CPQ: variants seen among roughly 807,000 people sequenced by gnomAD.
The protein encoded by CPQ is Ser-Met dipeptidase.
A neutral mutation model predicts 45.7 loss-of-function variants in CPQ; 37 were observed. The ratio of observed to expected loss-of-function variants is 0.81; its 90% CI spans 0.62 to 1.07. The LOEUF is 1.07. Ranked by LOEUF, CPQ falls within the 50% of genes least tolerant of loss-of-function variation. CPQ has a pLI of 0.00. For synonymous variants in CPQ, 186 were observed against 205.8 expected (o/e 0.90, Z 0.82); for missense variants, 537 against 572.9 (o/e 0.94, Z 0.64).
intron 1 of CPQ, among the ~76,000 whole-genome samples, chr8:96,677,267 T>G (rs1338707867): frequency 5.3e-5 from 8 of 152,190 alleles, no homozygotes; most frequent in African/African-American, 1.9e-4. Flanking sequence ...CCACAGTGGT[T>G]GTACCAGTTT....
chr8:96,716,579 G>A (rs1418623277), intron 1 of CPQ, among the ~76,000 whole-genome samples: 1 of 152,092 alleles, frequency 6.6e-6, no homozygotes, highest in Admixed American at 6.5e-5. Flanking sequence ...AACGTACGAT[G>A]TTTGCTTTTT....
intron 5 of CPQ, among the ~76,000 whole-genome samples, chr8:96,997,764 T>C (rs1421451884): frequency 2.0e-5 from 3 of 152,022 alleles, no homozygotes; most frequent in Non-Finnish European, 2.9e-5. Context: ...TCATCATTAC[T>C]TCATATGCAT....
At chr8:97,112,087 C>T (rs893629656) in intron 7 of CPQ, among the ~76,000 whole-genome samples, 2 of 152,022 alleles carry the variant, frequency 1.3e-5, no homozygotes, top group African/African-American at 4.8e-5. Context: ...TCCTCACCTC[C>T]CATTTCCTAT....
At chr8:96,663,301 C>G (rs1007265847) in intron 1 of CPQ, among the ~76,000 whole-genome samples, 1 of 139,354 alleles carries the variant, frequency 7.2e-6, no homozygotes, top group African/African-American at 2.7e-5. Flanking sequence ...AACAACTCCT[C>G]AAACATTTTC....
intron 4 of CPQ, among the ~76,000 whole-genome samples, chr8:96,914,051 CA>C (rs1424699105): frequency 6.6e-6 from 1 of 152,068 alleles, no homozygotes; most frequent in Non-Finnish European, 1.5e-5. Flanking sequence ...CAGATTTTGT[CA>C]TTTTTTTCAG....
intron 3 of CPQ, among the ~76,000 whole-genome samples, chr8:96,858,127 T>C (rs1483238690): frequency 6.6e-6 from 1 of 152,062 alleles, no homozygotes; most frequent in African/African-American, 2.4e-5. Flanking sequence ...GTGGAGAAGA[T>C]GTGTATATGA....
intron 4 of CPQ, among the ~76,000 whole-genome samples, chr8:96,919,735 A>G (rs112322601): frequency 9.8e-5 from 15 of 152,294 alleles, no homozygotes; most frequent in Non-Finnish European, 1.8e-4. Flanking sequence ...AGATAGAGAT[A>G]TCTTTCATAT....
intron 7 of CPQ, among the ~76,000 whole-genome samples, chr8:97,067,085 C>T (rs758726911): frequency 6.6e-6 from 1 of 151,842 alleles, no homozygotes; most frequent in Non-Finnish European, 1.5e-5. Flanking sequence ...CACCACCATG[C>T]CTGGCTAACT....
chr8:97,065,907 G>T, intron 6 of CPQ, 102 bp from the exon 7 acceptor site: 1 of 1,140,992 alleles, frequency 8.8e-7, no homozygotes. Flanking sequence ...TTTTGGCACA[G>T]CCGTAAGGAG....
intron 1 of CPQ, among the ~76,000 whole-genome samples, chr8:96,746,207 A>G (rs1810178644): frequency 6.6e-6 from 1 of 152,230 alleles, no homozygotes; most frequent in Admixed American, 6.5e-5. Flanking sequence ...AGTGCAGTGT[A>G]AGGTTCTTTA....
intron 5 of CPQ, among the ~76,000 whole-genome samples, chr8:96,977,417 G>A (rs972929362): frequency 1.1e-4 from 17 of 152,036 alleles, no homozygotes; most frequent in South Asian, 4.2e-4. Context: ...CAAGCACTGC[G>A]GAAAACAGTG....
At chr8:96,809,871 ATTTCAG>A (rs1173279875) in intron 2 of CPQ, among the ~76,000 whole-genome samples, 2 of 152,164 alleles carry the variant, frequency 1.3e-5, no homozygotes. Context: ...TAGGCTATAT[ATTTCAG>A]TTTCAGCTTC....
chr8:96,994,785 G>T (rs1332962455), intron 5 of CPQ, among the ~76,000 whole-genome samples: 1 of 151,950 alleles, frequency 6.6e-6, no homozygotes, highest in Admixed American at 6.6e-5. Context: ...ATCTCAACAT[G>T]TTCCCTGCTT....
intron 7 of CPQ, among the ~76,000 whole-genome samples, chr8:97,091,637 G>C (rs1226232577): frequency 6.6e-6 from 1 of 152,060 alleles, no homozygotes; most frequent in Non-Finnish European, 1.5e-5. Flanking sequence ...TTTTGCCATT[G>C]TCCATTTATG....
intron 3 of CPQ, among the ~76,000 whole-genome samples, chr8:96,870,215 C>T (rs1812049898): frequency 6.6e-6 from 1 of 151,858 alleles, no homozygotes; most frequent in African/African-American, 2.4e-5. Flanking sequence ...AAAGGTGCTG[C>T]ATTACTTAAA....
chr8:96,656,839 C>T (rs1239390106), intron 1 of CPQ, among the ~76,000 whole-genome samples: 3 of 152,126 alleles, frequency 2.0e-5, no homozygotes, highest in African/African-American at 4.8e-5. Flanking sequence ...AACATAGAGC[C>T]ATCACCAAAA....
rs111295875 is a variant in CPQ at position 96,820,939 on chromosome 8, G to A, written c.434-14034G>A. 1.5e-3 allele frequency among the ~76,000 whole-genome samples: 232 copies of A among 151,948 alleles called. 1 individual carries two copies. Among genetic ancestry groups the A allele is most frequent in the African/African-American group, 5.5e-3 (227 of 41,488 alleles). On this transcript the variant is annotated intron_variant, in intron 2 of 7. Coordinates refer to ENST00000220763, the MANE Select transcript of CPQ (RefSeq NM_016134.4). Reference sequence around the variant, plus strand: ...GCATTCCCACCAACAGTGTATGAAGGTTCCCCTTTCTCCACATCCTCACCA... The same window carrying A: ...GCATTCCCACCAACAGTGTATGAAGATTCCCCTTTCTCCACATCCTCACCA...
intron 5 of CPQ, among the ~76,000 whole-genome samples, chr8:96,990,722 A>C (rs577085645): frequency 6.6e-6 from 1 of 152,322 alleles, no homozygotes; most frequent in East Asian, 1.9e-4. Context: ...TGAGATTCAC[A>C]GTTTCCTCTG....
intron 1 of CPQ, among the ~76,000 whole-genome samples, chr8:96,717,037 A>ATATATATATG: frequency 4.0e-5 from 1 of 25,194 alleles, no homozygotes; most frequent in Non-Finnish European, 8.9e-5. Flanking sequence ...ATATATATAT[A>ATATATATATG]TATATATATA....
Sources: gnomAD v4.1 joint callset for allele counts (sites outside exome capture counted in the v4.1 genomes callset) on GRCh38, gnomAD v4.1.1 for gene constraint, MANE v1.5 for transcripts, NCBI Gene and HGNC (gene_info 2026-07-23, HGNC 2026-07-21) for gene names.